The following CCDC51 variants were observed in gnomAD, a reference collection of about 807,000 sequenced individuals.
CCDC51 encodes coiled-coil domain containing 51.
CCDC51 carries 25 observed loss-of-function variants against 24.8 expected under a neutral mutation model. That is an observed-to-expected ratio of 1.01 (90% CI 0.73 to 1.41). The LOEUF (loss-of-function observed/expected upper bound fraction) is 1.41, where lower values mean the gene tolerates loss of function less well. CCDC51 is among the 40% of genes most tolerant of loss of function. The pLI is 0.00. For synonymous variants in CCDC51, 190 were observed against 204.3 expected (o/e 0.93, Z 0.60); for missense variants, 466 against 519.1 (o/e 0.90, Z 0.99).
upstream of CCDC51, chr3:48,440,838 C>T (rs1448411625): frequency 5.0e-6 from 3 of 600,330 alleles, no homozygotes; most frequent in Non-Finnish European, 8.9e-6. Flanking sequence ...CCCAGGCAGT[C>T]TGGGCTTCCA....
chr3:48,440,394 C>T (rs201246787), upstream of CCDC51: 51 of 1,611,760 alleles, frequency 3.2e-5, no homozygotes, highest in Middle Eastern at 3.3e-4. Flanking sequence ...GTGCTCGTGT[C>T]GCCCACAGGT....
chr3:48,432,774 C>A lies in CCDC51; in HGVS notation c.870G>T (p.Pro290=). Residue 290 remains proline, a synonymous_variant, in exon 4 of 4, where the codon CCG becomes CCT. Transcript: ENST00000395694. ...GGACATCTACATCTCTGTCTCTGGT[C>A]GGGGGACTACCTGCCTGTGACCCAG... The part of the protein sequence containing the change: ...QDSGSQAGSP[P]TRDRDVDVLS... 6.2e-7 allele frequency: 1 copy of A among 1,614,110 alleles called. No individual in the cohort carries two copies. Among genetic ancestry groups the A allele is most frequent in the Non-Finnish European group, 8.5e-7 (1 of 1,180,048 alleles).
chr3:48,439,487 C>G (rs1455464739), intron 1 of CCDC51, among the ~76,000 whole-genome samples: 1 of 152,112 alleles, frequency 6.6e-6, no homozygotes, highest in Non-Finnish European at 1.5e-5. Context: ...CAAAAATTTT[C>G]CGGACATGGT....
In CCDC51 at chr3:48,432,925, C is replaced by G; in HGVS notation, c.719G>C (p.Gly240Ala). ...LKALLLEAQK[G>A]PVSLQEAIRE... ...AATGGCCTCTTGGAGACTCACAGGC[C>G]CCTTCTGCGCCTCCAGGAGTAAAGC... Residue 240 changes from glycine (G) to alanine (A), a missense_variant, in exon 4 of 4, where the codon GGG (glycine) becomes GCG (alanine). Coordinates refer to ENST00000395694, the MANE Select transcript of CCDC51 (RefSeq NM_001256964.2). 6.2e-7 allele frequency: 1 copy of G among 1,614,034 alleles called. No homozygotes were observed. The highest frequency in any genetic ancestry group is 8.5e-7 in the Non-Finnish European group (1 of 1,180,028).
At chr3:48,445,805 G>C in the CCDC51 span, among the ~76,000 whole-genome samples, 1 of 152,206 alleles carries the variant, frequency 6.6e-6, no homozygotes, top group Non-Finnish European at 1.5e-5. Context: ...AAGGCTGAAA[G>C]AGTCTTGCTC....
At chr3:48,434,379 CAG>C (rs2039285608) in intron 2 of CCDC51, among the ~76,000 whole-genome samples, 1 of 152,212 alleles carries the variant, frequency 6.6e-6, no homozygotes, top group South Asian at 2.1e-4. Context: ...GGAGTGGGAA[CAG>C]AGATGACAGA....
chr3:48,432,884 T>C lies in CCDC51; in HGVS notation c.760A>G (p.Ser254Gly), dbSNP rs2039223646. The C allele has an allele frequency of 6.2e-7, 1 of 1,613,942 alleles. No homozygotes were observed. Reference protein sequence around the residue: ...LQEAIREQASSYSRQQRDLHN... With the variant: ...LQEAIREQASGYSRQQRDLHN... ...AGGTCCCTCTGCTGGCGGGAGTAGC[T>C]AGACGCCTGTTCTCGAATGGCCTCT... The change falls in exon 4 of 4, where the codon AGC becomes GGC. Residue 254 changes from serine (S) to glycine (G), a missense_variant. Transcript: ENST00000395694.
rs1169224775 is a variant in CCDC51 at position 48,437,009 on chromosome 3, C to T, written c.-8-1873G>A. Reference sequence around the variant, plus strand: ...GCCAAGAAATCCTGAGACCTCTCAGCCCTCATCCTCTTCCTTCTACTGCCA... The same window carrying T: ...GCCAAGAAATCCTGAGACCTCTCAGTCCTCATCCTCTTCCTTCTACTGCCA... On this transcript the variant is annotated intron_variant, in intron 1 of 3. Coordinates refer to ENST00000395694, the MANE Select transcript of CCDC51 (RefSeq NM_001256964.2). This position sits in a 1 kb window ranked among gnomAD's most constrained non-coding sequence, Gnocchi z 4.2. Among the ~76,000 whole-genome samples the T allele has an allele frequency of 6.6e-6, 1 of 152,148 alleles. No individual in the cohort carries two copies. The highest frequency in any genetic ancestry group is 1.9e-4 in the East Asian group (1 of 5,190).
chr3:48,440,374 C>T (rs758222698), upstream of CCDC51: 3 of 1,611,694 alleles, frequency 1.9e-6, no homozygotes, highest in South Asian at 2.2e-5. Flanking sequence ...GCGGCAGGGG[C>T]AGGCCGAACG....
chr3:48,439,957 T>G, intron 1 of CCDC51, 31 bp downstream of exon 1: 1 of 405,244 alleles, frequency 2.5e-6, no homozygotes, highest in East Asian at 3.7e-5. Context: ...AGCTTGAAGC[T>G]CTTTGCACAT....
At chr3:48,440,164 G>A (rs1192839342), upstream of CCDC51, 6 of 1,440,022 alleles carry the variant, frequency 4.2e-6, no homozygotes, top group African/African-American at 7.1e-5. Context: ...CCCCTGGAGC[G>A]CCGCATCCGG....
Position 48,432,899 on chromosome 3 carries a change from G to C in CCDC51, c.745C>G (p.Arg249Gly), listed in dbSNP as rs774877304. Residue 249 changes from arginine (R) to glycine (G), a missense_variant, in exon 4 of 4, where the codon CGA (arginine) becomes GGA (glycine). Arg to Gly is a moderately radical substitution (Grantham distance 125). Transcript: ENST00000395694. ...KGPVSLQEAI[R>G]EQASSYSRQQ... ...CGGGAGTAGCTAGACGCCTGTTCTC[G>C]AATGGCCTCTTGGAGACTCACAGGC... is the stretch of plus-strand genomic sequence containing the variant. 1.9e-6 allele frequency: 3 copies of C among 1,614,032 alleles called. No homozygotes were observed. Among genetic ancestry groups the C allele is most frequent in the Non-Finnish European group, 2.5e-6 (3 of 1,180,030 alleles).
At chr3:48,443,241 CAAAAAAA>C (rs3082576), upstream of CCDC51, among the ~76,000 whole-genome samples, 4 of 70,536 alleles carry the variant, frequency 5.7e-5, no homozygotes, top group Non-Finnish European at 7.6e-5. Context: ...ACTCCATCTC[CAAAAAAA>C]AAAAAAAAAA....
rs1045900789 is a variant in CCDC51 at position 48,434,931 on chromosome 3, G to C, written c.198C>G (p.Ala66=). ...LHHRLPALGR[A]LGHSIQQRAT... The stretch of plus-strand genomic sequence containing the variant: ...CTCGTTGCTGAATGCTGTGCCCCAG[G>C]GCTCTTCCCAGTGCTGGGAGGCGGT... Residue 66 remains alanine, a synonymous_variant, in exon 2 of 4, where the codon GCC becomes GCG. Transcript: ENST00000395694. The C allele has an allele frequency of 6.2e-7, 1 of 1,614,094 alleles. No homozygotes were observed. Among genetic ancestry groups the C allele is most frequent in the Non-Finnish European group, 8.5e-7 (1 of 1,180,030 alleles).
chr3:48,432,761 C>G lies in CCDC51; in HGVS notation c.883G>C (p.Asp295His), dbSNP rs1457888285. ...AAGGCAGCTGAAAGGACATCTACAT[C>G]TCTGTCTCTGGTCGGGGGACTACCT... ...QAGSPPTRDR[D>H]VDVLSAALKE... is the part of the protein sequence containing the mutation. Residue 295 changes from aspartate (D) to histidine (H), a missense_variant, in exon 4 of 4, where the codon GAT becomes CAT. Physicochemically the swap from Asp to His is moderately conservative, Grantham distance 81 (BLOSUM62 -1). Coordinates refer to ENST00000395694, the MANE Select transcript of CCDC51 (RefSeq NM_001256964.2). The G allele has an allele frequency of 1.7e-5, 27 of 1,614,068 alleles. No homozygotes were observed. The highest frequency in any genetic ancestry group is 2.2e-5 in the Non-Finnish European group (26 of 1,180,058).
In CCDC51 at chr3:48,440,095, C is replaced by A; in HGVS notation, c.-116G>T. 1 of 825,192 alleles carries A rather than the reference C, an allele frequency of 1.2e-6. No individual in the cohort carries two copies. Among genetic ancestry groups the A allele is most frequent in the Non-Finnish European group, 1.8e-6 (1 of 545,414 alleles). The allele number at this position is 825,192 out of a possible 1,614,324, so 51.1% of individuals were successfully genotyped here. On this transcript the variant is annotated 5_prime_UTR_variant, in exon 1 of 4. Coordinates refer to ENST00000395694, the MANE Select transcript of CCDC51 (RefSeq NM_001256964.2). ...GGCAGGACAACCCTAGCTCCTCGTA[C>A]CTGGCGTGGCCCGACCAATCGTCTG...
upstream of CCDC51, among the ~76,000 whole-genome samples, chr3:48,442,162 C>G (rs1233876277): frequency 6.6e-6 from 1 of 150,922 alleles, no homozygotes; most frequent in Admixed American, 6.6e-5. Context: ...CCCAGGAGTT[C>G]AAGGTAAGAG....
At position 48,433,933 on chromosome 3, in the gene CCDC51, C is replaced by T; in HGVS notation, c.313-62G>A. 1.3e-6 allele frequency: 2 copies of T among 1,566,184 alleles called. No homozygotes were observed. Among genetic ancestry groups the T allele is most frequent in the East Asian group, 4.5e-5 (2 of 44,312 alleles). ...CTCCACACCCACACAGGCTCAGCTGCATTCCCAGCAAGGCATTCCCAGAAG... is the reference window on the plus strand; with the variant it reads ...CTCCACACCCACACAGGCTCAGCTGTATTCCCAGCAAGGCATTCCCAGAAG... On this transcript the variant is annotated intron_variant, in intron 2 of 3. Coordinates refer to ENST00000395694, the MANE Select transcript of CCDC51 (RefSeq NM_001256964.2). This position sits in a 1 kb window ranked among gnomAD's most constrained non-coding sequence, Gnocchi z 4.4.
rs1560089072 is a variant in CCDC51 at position 48,433,554 on chromosome 3, C to G, written c.477+153G>C. ...AAAGTATATGGATAGACTCTGGAAGCTTGGGGTTCTGTCCATCCATAGGAG... is the reference window on the plus strand; with the variant it reads ...AAAGTATATGGATAGACTCTGGAAGGTTGGGGTTCTGTCCATCCATAGGAG... On this transcript the variant is annotated intron_variant, in intron 3 of 3. Coordinates refer to ENST00000395694, the MANE Select transcript of CCDC51 (RefSeq NM_001256964.2). The surrounding 1 kb of genome is among the most constrained non-coding windows in gnomAD (Gnocchi z 4.4). 6.6e-6 allele frequency among the ~76,000 whole-genome samples: 1 copy of G among 152,188 alleles called. No individual in the cohort carries two copies.
Sources: gnomAD v4.1 joint callset for allele counts (sites outside exome capture counted in the v4.1 genomes callset) on GRCh38, gnomAD v4.1.1 for gene constraint, Gnocchi (gnomAD v3.1) non-coding constraint, MANE v1.5 for transcripts, NCBI Gene and HGNC (gene_info 2026-07-23, HGNC 2026-07-21) for gene names.